The following IMPG2 variants were observed in gnomAD, a reference collection of about 807,000 sequenced individuals.
IMPG2 encodes IPM 200.
In IMPG2, 91 loss-of-function variants were observed where a neutral mutation model predicts 129.2. The ratio of observed to expected loss-of-function variants is 0.70; its 90% CI spans 0.59 to 0.84. The LOEUF (loss-of-function observed/expected upper bound fraction) is 0.84. Ranked by LOEUF, IMPG2 falls within the 40% of genes least tolerant of loss-of-function variation. IMPG2 has a pLI of 0.00. For synonymous variants in IMPG2, 510 were observed against 517.7 expected (o/e 0.99, Z 0.20); for missense variants, 1,430 against 1,461.7 (o/e 0.98, Z 0.35).
In IMPG2 at chr3:101,246,023, GGAC is replaced by G; in HGVS notation, c.1319_1321del (p.Gly440_Pro441delinsAla). ...GAGTTCCCTGCCAGTGGCTGAGGGA[GGAC>G]CAGAGCTGAAATCAAGTGGTGGAAT... is the stretch of plus-strand genomic sequence containing the variant. On this transcript the variant is annotated inframe_deletion, in exon 12 of 19. Transcript: ENST00000193391. 1 of 1,614,162 alleles carries G rather than the reference GGAC, an allele frequency of 6.2e-7. No homozygotes were observed. Among genetic ancestry groups the G allele is most frequent in the Non-Finnish European group, 8.5e-7 (1 of 1,180,006 alleles).
chr3:101,318,824 G>T (rs2058797134), intron 2 of IMPG2, among the ~76,000 whole-genome samples: 1 of 151,996 alleles, frequency 6.6e-6, no homozygotes, highest in Admixed American at 6.6e-5. Flanking sequence ...ACATACTAAG[G>T]TCAATTAAGC....
chr3:101,286,903 C>G (rs1473509272), intron 4 of IMPG2, among the ~76,000 whole-genome samples: 1 of 152,156 alleles, frequency 6.6e-6, no homozygotes, highest in African/African-American at 2.4e-5. Flanking sequence ...ACCCATTATG[C>G]TTTAGCCAAT....
chr3:101,248,842 A>G (rs1306768855), intron 11 of IMPG2, among the ~76,000 whole-genome samples: 2 of 152,036 alleles, frequency 1.3e-5, no homozygotes, highest in Non-Finnish European at 2.9e-5. Flanking sequence ...ATTATTCTGT[A>G]TTTGTCACCA....
At chr3:101,279,196 T>C (rs1419469306) in intron 4 of IMPG2, among the ~76,000 whole-genome samples, 1 of 152,226 alleles carries the variant, frequency 6.6e-6, no homozygotes, top group Non-Finnish European at 1.5e-5. Flanking sequence ...TACTGAGCCC[T>C]CATCATGTGT....
Position 101,319,660 on chromosome 3 carries a change from A to C in IMPG2, c.258T>G (p.Pro86=). ...CATCTGGGCAGATTTTCACTCCATT[A>C]GGAAACAGAATAGATCTCCGCCTTC... ...LIRRRRSILF[P]NGVKICPDES... The change falls in exon 2 of 19, where the codon CCT becomes CCG. Residue 86 remains proline (P), a synonymous_variant. Coordinates refer to ENST00000193391, the MANE Select transcript of IMPG2 (RefSeq NM_016247.4). 6.2e-7 allele frequency: 1 copy of C among 1,613,758 alleles called. No individual in the cohort carries two copies. Among genetic ancestry groups the C allele is most frequent in the Non-Finnish European group, 8.5e-7 (1 of 1,179,808 alleles).
chr3:101,300,669 T>A (rs1224614608), intron 3 of IMPG2, among the ~76,000 whole-genome samples: 2 of 152,360 alleles, frequency 1.3e-5, no homozygotes, highest in East Asian at 3.9e-4. Flanking sequence ...TCTCCGTGGG[T>A]CACGCCAGTT....
At chr3:101,285,926 C>T (rs532515489) in intron 4 of IMPG2, among the ~76,000 whole-genome samples, 2 of 152,170 alleles carry the variant, frequency 1.3e-5, no homozygotes, top group South Asian at 4.1e-4. Flanking sequence ...TCATGTTTGT[C>T]TTTCTCATTC....
chr3:101,296,729 C>T (rs1220867334), intron 3 of IMPG2, among the ~76,000 whole-genome samples: 2 of 151,962 alleles, frequency 1.3e-5, no homozygotes, highest in Non-Finnish European at 1.5e-5. Context: ...CTATTAATTA[C>T]TGCCTCAATT....
chr3:101,247,972 C>A (rs1191769808), intron 11 of IMPG2, among the ~76,000 whole-genome samples: 2 of 152,292 alleles, frequency 1.3e-5, no homozygotes, highest in East Asian at 3.9e-4. Flanking sequence ...AGACTTCTAT[C>A]AGCAATATTA....
chr3:101,248,186 G>T (rs1706503480), intron 11 of IMPG2, among the ~76,000 whole-genome samples: 1 of 152,182 alleles, frequency 6.6e-6, no homozygotes, highest in Admixed American at 6.5e-5. Context: ...TTGTGGGAGG[G>T]ACCTGGTGGG....
intron 9 of IMPG2, among the ~76,000 whole-genome samples, chr3:101,262,771 A>AAC (rs985155236): frequency 2.3e-5 from 2 of 87,574 alleles, no homozygotes; most frequent in African/African-American, 1.1e-4. Context: ...AAAGGATAAC[A>AAC]AAAAAAAAAA....
chr3:101,262,082 A>G (rs1344430328), intron 9 of IMPG2, among the ~76,000 whole-genome samples: 2 of 152,218 alleles, frequency 1.3e-5, no homozygotes, highest in Non-Finnish European at 2.9e-5. Context: ...TTTGATGCAT[A>G]TATTTTTAAA....
intron 12 of IMPG2, 114 bp from the exon 13 acceptor site, chr3:101,244,901 T>A (rs1266885743): frequency 5.6e-6 from 5 of 893,238 alleles, no homozygotes. Flanking sequence ...GGGACAATTG[T>A]TGACTTTTGC....
chr3:101,235,398 A>G (rs1301417966), intron 14 of IMPG2, among the ~76,000 whole-genome samples: 1 of 152,250 alleles, frequency 6.6e-6, no homozygotes, highest in African/African-American at 2.4e-5. Flanking sequence ...CATATTAGGA[A>G]TGCTTAACCA....
chr3:101,256,140 G>GAAAGA (rs1706598260), intron 10 of IMPG2, among the ~76,000 whole-genome samples: 1 of 86,420 alleles, frequency 1.2e-5, no homozygotes, highest in African/African-American at 4.6e-5. Flanking sequence ...AAGAAAGAAA[G>GAAAGA]AAAGAAAAGA....
At chr3:101,239,164 A>G (rs1279569554) in intron 14 of IMPG2, among the ~76,000 whole-genome samples, 1 of 152,300 alleles carries the variant, frequency 6.6e-6, no homozygotes, top group South Asian at 2.1e-4. Context: ...CAGAATGAGA[A>G]AACATTTTTG....
chr3:101,284,673 C>T (rs1052332072), intron 4 of IMPG2, among the ~76,000 whole-genome samples: 10 of 152,028 alleles, frequency 6.6e-5, no homozygotes, highest in African/African-American at 2.4e-4. Context: ...AAAATCTGTG[C>T]CTAGCAGTTT....
chr3:101,289,504 T>C (rs933707568), intron 4 of IMPG2, among the ~76,000 whole-genome samples: 9 of 152,106 alleles, frequency 5.9e-5, no homozygotes, highest in African/African-American at 2.2e-4. Context: ...TAAAATGCTA[T>C]TACATGTTTG....
At chr3:101,250,847 T>C (rs942935879) in intron 11 of IMPG2, among the ~76,000 whole-genome samples, 2 of 152,134 alleles carry the variant, frequency 1.3e-5, no homozygotes, top group East Asian at 1.9e-4. Flanking sequence ...CCTATTTACA[T>C]AGAAAAAACT....
Sources: allele counts gnomAD v4.1 joint callset (sites outside exome capture counted in the v4.1 genomes callset), GRCh38; gene constraint gnomAD v4.1.1; transcripts MANE v1.5; gene names NCBI Gene and HGNC (gene_info 2026-07-23, HGNC 2026-07-21).